The following SLC24A2 variants were observed in gnomAD, a reference collection of about 807,000 sequenced individuals.
The protein encoded by SLC24A2 is sodium/potassium/calcium exchanger 2.
SLC24A2 carries 36 observed loss-of-function variants against 62.0 expected under a neutral mutation model. That is an observed-to-expected ratio of 0.58 (90% confidence interval 0.44 to 0.77). The LOEUF (loss-of-function observed/expected upper bound fraction) is 0.77. SLC24A2 is among the 30% of genes least tolerant of loss of function. SLC24A2 has a pLI of 0.00. For synonymous variants in SLC24A2, 358 were observed against 294.0 expected, an observed-to-expected ratio of 1.22 and a Z score of -2.23; for missense variants, 846 against 817.9, an observed-to-expected ratio of 1.03 and a Z score of -0.42.
chr9:19,898,405 T>C, the SLC24A2 span, among the ~76,000 whole-genome samples: 1 of 152,210 alleles, frequency 6.6e-6, no homozygotes, highest in African/African-American at 2.4e-5. Context: ...TCTTCAGCAG[T>C]GCAAACTGTA....
the SLC24A2 span, among the ~76,000 whole-genome samples, chr9:20,137,251 G>A: frequency 6.6e-6 from 1 of 152,058 alleles, no homozygotes; most frequent in South Asian, 2.1e-4. Flanking sequence ...GCATTTTCAT[G>A]GTATTTAAAA....
At chr9:19,691,505 A>G (rs1820045418) in intron 2 of SLC24A2, among the ~76,000 whole-genome samples, 1 of 152,166 alleles carries the variant, frequency 6.6e-6, no homozygotes, top group Non-Finnish European at 1.5e-5. Context: ...TCCATGCACT[A>G]CCATCATGGT....
the SLC24A2 span, among the ~76,000 whole-genome samples, chr9:19,839,733 A>G: frequency 6.6e-6 from 1 of 152,220 alleles, no homozygotes; most frequent in Non-Finnish European, 1.5e-5. Flanking sequence ...ATTTCAAGAA[A>G]TTATAGTAGT....
chr9:19,551,268 A>G (rs1834830071), intron 7 of SLC24A2, among the ~76,000 whole-genome samples: 1 of 152,222 alleles, frequency 6.6e-6, no homozygotes, highest in Non-Finnish European at 1.5e-5. Context: ...CAAGTCAAGC[A>G]AGACAGTGAA....
upstream of SLC24A2, among the ~76,000 whole-genome samples, chr9:19,791,512 A>G (rs1174093447): frequency 1.3e-5 from 2 of 152,358 alleles, no homozygotes; most frequent in East Asian, 1.9e-4. Flanking sequence ...AAGCATCTCA[A>G]TGAGATCCAT....
the SLC24A2 span, among the ~76,000 whole-genome samples, chr9:19,992,109 A>T: frequency 1.3e-5 from 2 of 152,212 alleles, no homozygotes; most frequent in Non-Finnish European, 2.9e-5. Context: ...GGGGCATGTT[A>T]TCATACATGA....
At chr9:19,957,537 A>G in the SLC24A2 span, 2 of 152,266 alleles carry the variant, frequency 1.3e-5, no homozygotes, top group Non-Finnish European at 2.9e-5. Flanking sequence ...TCCACTGGGA[A>G]GGGCCACTGT....
At chr9:20,068,994 G>A in the SLC24A2 span, among the ~76,000 whole-genome samples, 1 of 152,076 alleles carries the variant, frequency 6.6e-6, no homozygotes, top group Non-Finnish European at 1.5e-5. Context: ...TCCCAAGAGT[G>A]CAAGAAACTC....
chr9:19,778,094 C>T (rs865874819), intron 2 of SLC24A2, among the ~76,000 whole-genome samples: 83 of 152,224 alleles, frequency 5.5e-4, no homozygotes, highest in African/African-American at 2.0e-3. Context: ...AACAGTGTCA[C>T]TTGTTGTATG....
chr9:19,517,326 A>G (rs959708166), intron 10 of SLC24A2, among the ~76,000 whole-genome samples: 4 of 152,228 alleles, frequency 2.6e-5, no homozygotes, highest in Admixed American at 6.5e-5. Flanking sequence ...CTGCTTGGCT[A>G]GCTGAGCTTT....
At chr9:19,884,024 T>C in the SLC24A2 span, among the ~76,000 whole-genome samples, 1 of 152,170 alleles carries the variant, frequency 6.6e-6, no homozygotes, top group Non-Finnish European at 1.5e-5. Flanking sequence ...TCGAGTACAA[T>C]GGCTTTAAAT....
chr9:19,600,646 A>G (rs974621282), intron 4 of SLC24A2, among the ~76,000 whole-genome samples: 1 of 152,172 alleles, frequency 6.6e-6, no homozygotes, highest in Non-Finnish European at 1.5e-5. Flanking sequence ...GCAACTTCTT[A>G]TAAATTTGCC....
intron 2 of SLC24A2, among the ~76,000 whole-genome samples, chr9:19,678,989 C>T (rs1047971315): frequency 6.6e-6 from 1 of 152,178 alleles, no homozygotes; most frequent in Non-Finnish European, 1.5e-5. Context: ...TGACTGAATG[C>T]TGAGCTGATG....
chr9:20,046,349 T>A, the SLC24A2 span, among the ~76,000 whole-genome samples: 1 of 152,208 alleles, frequency 6.6e-6, no homozygotes, highest in East Asian at 1.9e-4. Context: ...GTTTCTCTGT[T>A]GCATCTGGTG....
the SLC24A2 span, among the ~76,000 whole-genome samples, chr9:20,117,318 T>G: frequency 6.6e-6 from 1 of 152,122 alleles, no homozygotes; most frequent in Non-Finnish European, 1.5e-5. Context: ...AGCAACAGCA[T>G]GGAAGGAGAC....
chr9:19,525,443 A>G lies in SLC24A2; in HGVS notation c.1569+2606T>C, dbSNP rs368039525. The stretch of plus-strand genomic sequence containing the variant: ...TTAAAAGACAGGGTCTTACTCTGCC[A>G]CCCATGCTGGAGTGCAGTGGTGTGA... On this transcript the variant is annotated intron_variant, in intron 9 of 10. Coordinates refer to ENST00000341998, the MANE Select transcript of SLC24A2 (RefSeq NM_020344.4). Among the ~76,000 whole-genome samples the G allele has an allele frequency of 2.3e-4, 27 of 115,660 alleles. No individual in the cohort carries two copies. The East Asian group carries it at 3.3e-3, about 14-fold the overall frequency. The allele number at this position is 115,660 out of a possible 152,430, so 75.9% of individuals were successfully genotyped here. A position where few individuals can be genotyped will look rare whatever the true frequency, so the allele number is the denominator to read the frequency against.
intron 8 of SLC24A2, among the ~76,000 whole-genome samples, chr9:19,542,358 C>A (rs181557448): frequency 1.3e-5 from 2 of 152,302 alleles, no homozygotes; most frequent in Non-Finnish European, 2.9e-5. Context: ...ATAGAGTTTT[C>A]TAAATATACA....
chr9:20,016,414 A>T, the SLC24A2 span, among the ~76,000 whole-genome samples: 1 of 152,212 alleles, frequency 6.6e-6, no homozygotes, highest in South Asian at 2.1e-4. Context: ...AGGTCAAATT[A>T]ACTGCATTGG....
the SLC24A2 span, among the ~76,000 whole-genome samples, chr9:20,071,364 C>T: frequency 6.6e-6 from 1 of 152,122 alleles, no homozygotes; most frequent in South Asian, 2.1e-4. Context: ...TCATTTCCAT[C>T]ATTACTACCA....
Sources: gnomAD v4.1 joint callset for allele counts (sites outside exome capture counted in the v4.1 genomes callset) on GRCh38, gnomAD v4.1.1 for gene constraint, MANE v1.5 for transcripts, NCBI Gene and HGNC (gene_info 2026-07-23, HGNC 2026-07-21) for gene names.